INSL6: variants seen among roughly 807,000 people sequenced by gnomAD.
INSL6 encodes insulin-like peptide INSL6.
INSL6 carries 16 observed loss-of-function variants against 9.4 expected under a neutral mutation model. The observed-to-expected ratio is 1.70, with a 90% CI of 1.15 to 2.59. The LOEUF (loss-of-function observed/expected upper bound fraction) is 2.59, where lower values mean the gene tolerates loss of function less well. Among genes scored for constraint, INSL6 ranks in the 30% most tolerant of loss-of-function variants. The pLI, the probability that INSL6 is intolerant of heterozygous loss-of-function variation, is 0.00. For missense variants in INSL6, 391 were observed against 257.3 expected (o/e 1.52, Z -3.56); for synonymous variants, 154 against 96.9 (o/e 1.59, Z -3.46).
At chr9:5,097,751 A>G in the INSL6 span, 2 of 152,104 alleles carry the variant, frequency 1.3e-5, no homozygotes, top group Admixed American at 6.6e-5. Flanking sequence ...TCATCACTAG[A>G]TATTATTTTA....
At chr9:5,101,889 A>C in the INSL6 span, among the ~76,000 whole-genome samples, 686 of 152,344 alleles carry the variant, frequency 4.5e-3, 7 homozygotes, top group African/African-American at 0.016. Context: ...CCAAAACCCC[A>C]TCTGTAGGTT....
At chr9:5,085,872 T>A in the INSL6 span, 1 of 789,628 alleles carries the variant, frequency 1.3e-6, no homozygotes, top group Non-Finnish European at 2.3e-6. Context: ...TTCCTTAAGT[T>A]CTGTTGTTGA....
chr9:5,145,151 A>G (rs1211559160), intron 2 of INSL6, among the ~76,000 whole-genome samples: 1 of 152,154 alleles, frequency 6.6e-6, no homozygotes, highest in African/African-American at 2.4e-5. Flanking sequence ...TTTGTAAGGC[A>G]GGTCTAGTGG....
chr9:5,101,804 A>G, the INSL6 span, among the ~76,000 whole-genome samples: 1 of 152,234 alleles, frequency 6.6e-6, no homozygotes. Flanking sequence ...CCTGCAGCTG[A>G]GGGACCTGAC....
At chr9:5,032,434 G>T in the INSL6 span, among the ~76,000 whole-genome samples, 3 of 152,220 alleles carry the variant, frequency 2.0e-5, no homozygotes, top group African/African-American at 7.2e-5. Context: ...ATCTGAGAAC[G>T]GACAGACTGC....
intron 1 of INSL6, among the ~76,000 whole-genome samples, chr9:5,164,861 T>G (rs1010778630): frequency 6.6e-6 from 1 of 152,364 alleles, no homozygotes; most frequent in Non-Finnish European, 1.5e-5. Flanking sequence ...ATTTTGTTTA[T>G]CCATTTATCA....
intron 3 of INSL6, among the ~76,000 whole-genome samples, chr9:5,125,265 T>C (rs1823900620): frequency 6.6e-6 from 1 of 151,028 alleles, no homozygotes; most frequent in Admixed American, 6.6e-5. Flanking sequence ...TATAAATATA[T>C]ATTATTTTAT....
chr9:5,057,816 C>T, the INSL6 span, among the ~76,000 whole-genome samples: 5 of 152,050 alleles, frequency 3.3e-5, no homozygotes, highest in African/African-American at 1.2e-4. Flanking sequence ...GTCCTGACCT[C>T]ATGATCCGCC....
At chr9:5,020,830 G>T in the INSL6 span, among the ~76,000 whole-genome samples, 4 of 152,120 alleles carry the variant, frequency 2.6e-5, no homozygotes, top group African/African-American at 9.7e-5. Context: ...ATGTCAGTGG[G>T]GCTCTAGGGG....
the INSL6 span, chr9:5,114,436 G>A: frequency 2.1e-6 from 1 of 487,590 alleles, no homozygotes; most frequent in Non-Finnish European, 4.1e-6. Flanking sequence ...TACCAGTGCA[G>A]GGTGACCCAC....
At chr9:5,095,180 A>C in the INSL6 span, among the ~76,000 whole-genome samples, 1 of 152,124 alleles carries the variant, frequency 6.6e-6, no homozygotes, top group Non-Finnish European at 1.5e-5. Flanking sequence ...TAAATAAGCT[A>C]TTGGGCCCAT....
chr9:5,082,489 T>C, the INSL6 span, among the ~76,000 whole-genome samples: 1 of 152,230 alleles, frequency 6.6e-6, no homozygotes, highest in Non-Finnish European at 1.5e-5. Context: ...TGAACAAATG[T>C]ATAATTGGGT....
chr9:5,141,595 T>C (rs1824503037), intron 2 of INSL6, among the ~76,000 whole-genome samples: 1 of 152,212 alleles, frequency 6.6e-6, no homozygotes, highest in Non-Finnish European at 1.5e-5. Context: ...TGTTTCTAAG[T>C]TCCTTATAGA....
intron 1 of INSL6, among the ~76,000 whole-genome samples, chr9:5,177,196 G>A (rs1027271749): frequency 6.6e-6 from 1 of 152,140 alleles, no homozygotes; most frequent in African/African-American, 2.4e-5. Context: ...CTCACATTGG[G>A]ACTGACTAGG....
At chr9:5,068,069 A>T in the INSL6 span, among the ~76,000 whole-genome samples, 1 of 151,946 alleles carries the variant, frequency 6.6e-6, no homozygotes, top group Non-Finnish European at 1.5e-5. Flanking sequence ...CTGAGGTAGG[A>T]GAAGCGCTTG....
the INSL6 span, among the ~76,000 whole-genome samples, chr9:5,115,969 A>G: frequency 1.3e-5 from 2 of 152,104 alleles, no homozygotes. Context: ...TGATGGGTTG[A>G]TGGGTGCAGC....
At chr9:5,177,627 G>A (rs1286862114) in intron 1 of INSL6, among the ~76,000 whole-genome samples, 2 of 152,232 alleles carry the variant, frequency 1.3e-5, no homozygotes, top group African/African-American at 4.8e-5. Context: ...TGTTCTGCAC[G>A]TCCCACTTCC....
At chr9:5,063,447 C>A in the INSL6 span, among the ~76,000 whole-genome samples, 1 of 152,112 alleles carries the variant, frequency 6.6e-6, no homozygotes, top group African/African-American at 2.4e-5. Flanking sequence ...ATTTTGTCAG[C>A]TGTAATTTTT....
At position 5,126,053 on chromosome 9, in the gene INSL6, A is replaced by G. The variant is rs565307407; in HGVS notation, c.*11-1542T>C. 1.7e-5 allele frequency: 4 copies of G among 241,642 alleles called. No individual in the cohort carries two copies. In the South Asian group the frequency reaches 6.8e-4, roughly 41 times the overall value. 15.0% of individuals were successfully genotyped at this position (241,642 alleles called of 1,614,324 possible). A position where few individuals can be genotyped will look rare whatever the true frequency, so the allele number is the denominator to read the frequency against. ...ATGATAAAAATATGAGTTTTTTAAC[A>G]ACAAAAAACTCAAAGGAAATATGTT... is the stretch of plus-strand genomic sequence containing the variant. On this transcript the variant is annotated intron_variant, in intron 3 of 3. Transcript: ENST00000649639.
Sources: allele counts gnomAD v4.1 joint callset (sites outside exome capture counted in the v4.1 genomes callset), GRCh38; gene constraint gnomAD v4.1.1; transcripts MANE v1.5; gene names NCBI Gene and HGNC (gene_info 2026-07-23, HGNC 2026-07-21).